Variants in CD302 observed in about 807,000 individuals in gnomAD.
CD302 encodes the protein CD302 antigen.
In CD302, 23 loss-of-function variants were observed where a neutral mutation model predicts 26.5. The ratio of observed to expected loss-of-function variants is 0.87; its 90% CI spans 0.62 to 1.23. The LOEUF (loss-of-function observed/expected upper bound fraction) is 1.23, where lower values mean the gene tolerates loss of function less well. Ranked by LOEUF, CD302 falls within the 50% of genes most tolerant of loss-of-function variation. The pLI is 0.00. For synonymous variants in CD302, 90 were observed against 99.4 expected, an observed-to-expected ratio of 0.91 and a Z score of 0.56; for missense variants, 290 against 275.5, an observed-to-expected ratio of 1.05 and a Z score of -0.37.
At chr2:159,797,013 C>A (rs549898531) in intron 1 of CD302, among the ~76,000 whole-genome samples, 27 of 152,240 alleles carry the variant, frequency 1.8e-4, no homozygotes, top group African/African-American at 6.5e-4. Flanking sequence ...AACATGGGCA[C>A]ATCTTGTTTC....
chr2:159,794,581 C>T (rs1172700553), intron 1 of CD302, among the ~76,000 whole-genome samples: 2 of 151,674 alleles, frequency 1.3e-5, no homozygotes, highest in South Asian at 2.1e-4. Flanking sequence ...CTGAGTCTCG[C>T]TCTGTCGCCC....
chr2:159,769,649 T>TAC lies in CD302; in HGVS notation c.*2201_*2202insGT. The TAC allele has an allele frequency of 6.6e-6, 1 of 151,806 alleles. No homozygotes were observed. Among genetic ancestry groups the TAC allele is most frequent in the East Asian group, 1.9e-4 (1 of 5,164 alleles). The allele number at this position is 151,806 out of a possible 1,614,324, so 9.4% of individuals were successfully genotyped here. A position where few individuals can be genotyped will look rare whatever the true frequency, so the allele number is the denominator to read the frequency against. ...CAGCACAGTGAGACTCCATCATATA[T>TAC]ATATATATAGCACTTCATTACCAGA... is the stretch of plus-strand genomic sequence containing the variant. On this transcript the variant is annotated 3_prime_UTR_variant, in exon 6 of 6. Transcript: ENST00000259053.
rs747578087 is a variant in CD302, at chr2:159,783,344, G to T, written c.178+15C>A. The T allele has an allele frequency of 4.5e-6, 7 of 1,558,114 alleles. No homozygotes were observed. Among genetic ancestry groups the T allele is most frequent in the Admixed American group, 2.2e-5 (1 of 45,242 alleles). On this transcript the variant is annotated intron_variant, in intron 2 of 5. Coordinates refer to ENST00000259053, the MANE Select transcript of CD302 (RefSeq NM_014880.5). ...AATTTGTGAAAAAACAAACAGAAAAGAATAAGCCTTTTACCATGGTCAGTA... is the reference window on the plus strand; with the variant it reads ...AATTTGTGAAAAAACAAACAGAAAATAATAAGCCTTTTACCATGGTCAGTA...
chr2:159,791,746 C>T (rs1358948637), intron 1 of CD302, among the ~76,000 whole-genome samples: 4 of 152,152 alleles, frequency 2.6e-5, no homozygotes, highest in Non-Finnish European at 4.4e-5. Context: ...TGTTATTTAA[C>T]CTTACTGTGT....
At chr2:159,776,947 T>C (rs1708351493) in intron 5 of CD302, among the ~76,000 whole-genome samples, 1 of 152,092 alleles carries the variant, frequency 6.6e-6, no homozygotes, top group South Asian at 2.1e-4. Context: ...CTACCAAAAA[T>C]ATAGGCAACT....
At chr2:159,775,380 C>A (rs900788751) in intron 5 of CD302, among the ~76,000 whole-genome samples, 1 of 152,302 alleles carries the variant, frequency 6.6e-6, no homozygotes, top group African/African-American at 2.4e-5. Flanking sequence ...TTCAACTATT[C>A]GTTTTTGAAG....
intron 5 of CD302, 52 bp from the exon 6 acceptor site, chr2:159,772,105 C>T (rs1168891471): frequency 6.4e-7 from 1 of 1,572,008 alleles, no homozygotes; most frequent in African/African-American, 1.4e-5. Context: ...ACACAAGTTG[C>T]AAGTATATTT....
chr2:159,779,874 A>C (rs1708455482), intron 4 of CD302, 131 bp downstream of exon 4: 33 of 1,055,976 alleles, frequency 3.1e-5, no homozygotes, highest in Admixed American at 6.1e-5. Flanking sequence ...TAATGCTGGG[A>C]TTGCAGGCGT....
rs1429596865 is a variant in CD302 at position 159,780,955 on chromosome 2, A to T, written c.222T>A (p.Phe74Leu). The change falls in exon 3 of 6, where the codon TTT (phenylalanine) becomes TTA (leucine). Residue 74 changes from phenylalanine (F) to leucine (L), a missense_variant. By Grantham distance (22) the Phe-to-Leu change is conservative. Coordinates refer to ENST00000259053, the MANE Select transcript of CD302 (RefSeq NM_014880.5). Reference sequence around the variant, plus strand: ...ATTGCTTTTTCAAAGTATCCAGTATAAAAGCATTTTCTTCTTCATTATGTA... The same window carrying T: ...ATTGCTTTTTCAAAGTATCCAGTATTAAAGCATTTTCTTCTTCATTATGTA... ...ISIHNEEENAFILDTLKKQWK... is the reference protein window; with the variant it reads ...ISIHNEEENALILDTLKKQWK... 2.5e-6 allele frequency: 4 copies of T among 1,613,540 alleles called. No individual in the cohort carries two copies. The highest frequency in any genetic ancestry group is 1.3e-5 in the African/African-American group (1 of 75,034).
intron 1 of CD302, among the ~76,000 whole-genome samples, chr2:159,786,778 T>C (rs1313924804): frequency 1.3e-5 from 2 of 152,202 alleles, no homozygotes; most frequent in Non-Finnish European, 2.9e-5. Context: ...GGTTGGTGAA[T>C]TTTTTTCTTT....
At chr2:159,773,707 A>G (rs1273441466) in intron 5 of CD302, among the ~76,000 whole-genome samples, 1 of 152,204 alleles carries the variant, frequency 6.6e-6, no homozygotes, top group African/African-American at 2.4e-5. Flanking sequence ...TGTCAAGGCA[A>G]CTGATAAGCA....
In CD302 at chr2:159,771,080, G is replaced by C. The variant is rs1282366482; in HGVS notation, c.*771C>G. The C allele has an allele frequency of 6.6e-6, 1 of 152,070 alleles. No individual in the cohort carries two copies. The highest frequency in any genetic ancestry group is 2.4e-5 in the African/African-American group (1 of 41,408). The allele number at this position is 152,070 out of a possible 1,614,324, so 9.4% of individuals were successfully genotyped here. On this transcript the variant is annotated 3_prime_UTR_variant, in exon 6 of 6. Transcript: ENST00000259053. Reference sequence around the variant, plus strand: ...CGGTTTTTGCTTGCACAGTTTTCATGTCATTGAAGGAAAAATTTATAAATG... The same window carrying C: ...CGGTTTTTGCTTGCACAGTTTTCATCTCATTGAAGGAAAAATTTATAAATG...
At chr2:159,794,038 A>G (rs1261548751) in intron 1 of CD302, among the ~76,000 whole-genome samples, 1 of 150,558 alleles carries the variant, frequency 6.6e-6, no homozygotes, top group Non-Finnish European at 1.5e-5. Context: ...AGGTAGGAGG[A>G]TCACTTGAGC....
chr2:159,796,207 A>C (rs1006347570), intron 1 of CD302, among the ~76,000 whole-genome samples: 6 of 152,236 alleles, frequency 3.9e-5, no homozygotes, highest in Non-Finnish European at 8.8e-5. Context: ...GTATTCAGCA[A>C]CAAACTCTTT....
intron 1 of CD302, among the ~76,000 whole-genome samples, chr2:159,797,222 T>TA (rs1560053931): frequency 9.6e-6 from 1 of 104,476 alleles, no homozygotes; most frequent in African/African-American, 3.4e-5. Context: ...GGGCAAGGGG[T>TA]GGGGGGGGGG....
chr2:159,774,457 T>G (rs966511975), intron 5 of CD302, among the ~76,000 whole-genome samples: 5 of 152,194 alleles, frequency 3.3e-5, no homozygotes, highest in Non-Finnish European at 7.3e-5. Flanking sequence ...CTATACATAA[T>G]CCACCTCAAA....
At chr2:159,784,926 G>A (rs190825075) in intron 1 of CD302, among the ~76,000 whole-genome samples, 3 of 151,198 alleles carry the variant, frequency 2.0e-5, no homozygotes, top group Non-Finnish European at 2.9e-5. Context: ...CAACATAGCG[G>A]TCTTGCCTTT....
At chr2:159,784,042 C>T (rs1431924222) in intron 1 of CD302, among the ~76,000 whole-genome samples, 1 of 152,184 alleles carries the variant, frequency 6.6e-6, no homozygotes, top group Non-Finnish European at 1.5e-5. Context: ...TGAAATAGAA[C>T]CATAACTCTT....
chr2:159,782,680 A>G (rs1708554489), intron 2 of CD302, among the ~76,000 whole-genome samples: 1 of 151,664 alleles, frequency 6.6e-6, no homozygotes, highest in Non-Finnish European at 1.5e-5. Context: ...AGCTATGATC[A>G]TGCCACTGCA....
Sources: gnomAD v4.1 joint callset for allele counts (sites outside exome capture counted in the v4.1 genomes callset) on GRCh38, gnomAD v4.1.1 for gene constraint, MANE v1.5 for transcripts, NCBI Gene and HGNC (gene_info 2026-07-23, HGNC 2026-07-21) for gene names.